Variants in CEP43 observed in about 807,000 individuals in gnomAD.
The protein encoded by CEP43 is FGFR1 oncogene partner.
CEP43 carries 36 observed loss-of-function variants against 52.6 expected under a neutral mutation model. The observed-to-expected ratio is 0.68, with a 90% confidence interval of 0.52 to 0.90. The LOEUF is 0.90. Among genes scored for constraint, CEP43 ranks in the 40% least tolerant of loss-of-function variants. The pLI is 0.00. For synonymous variants in CEP43, 192 were observed against 172.4 expected (o/e 1.11, Z -0.89); for missense variants, 506 against 472.8 (o/e 1.07, Z -0.65).
rs1217440067 is a variant in CEP43 at position 167,042,883 on chromosome 6, T to A, written c.*2905T>A. On this transcript the variant is annotated 3_prime_UTR_variant, in exon 13 of 13. Coordinates refer to ENST00000366847, the MANE Select transcript of CEP43 (RefSeq NM_007045.4). ...GAACAGGGATTTTCTTTTAAACTGC[T>A]GTGTACCTGGCACAACATTTGTCCC... 1.4e-5 allele frequency: 2 copies of A among 144,522 alleles called. No individual in the cohort carries two copies. The highest frequency in any genetic ancestry group is 3.0e-5 in the Non-Finnish European group (2 of 65,752). 9.0% of individuals were successfully genotyped at this position (144,522 alleles called of 1,614,324 possible).
At chr6:167,039,679 G>A (rs1048468266) in intron 12 of CEP43, among the ~76,000 whole-genome samples, 4 of 152,164 alleles carry the variant, frequency 2.6e-5, no homozygotes, top group Admixed American at 6.5e-5. Context: ...GAATCTCCAC[G>A]CTGTTTTCCA....
rs1490631817 is a variant in CEP43 at position 167,049,452 on chromosome 6, G to A, written c.*9474G>A. On this transcript the variant is annotated 3_prime_UTR_variant, in exon 13 of 13. Transcript: ENST00000366847. The stretch of plus-strand genomic sequence containing the variant: ...CCTCTTCTGGACATTACATATAAAC[G>A]GAATTATACACTATGTGGCCTTTTA... 1 of 152,144 alleles carries A rather than the reference G, an allele frequency of 6.6e-6. No homozygotes were observed. The highest frequency in any genetic ancestry group is 1.5e-5 in the Non-Finnish European group (1 of 68,026). 9.4% of individuals were successfully genotyped at this position (152,144 alleles called of 1,614,324 possible).
At position 167,049,051 on chromosome 6, in the gene CEP43, G is replaced by A. The variant is rs560951818; in HGVS notation, c.*9073G>A. Reference sequence around the variant, plus strand: ...GTTGAAAGATATTTTTAAAATCATTGTCCTATGGAAAAGTCATATAGAACG... The same window carrying A: ...GTTGAAAGATATTTTTAAAATCATTATCCTATGGAAAAGTCATATAGAACG... On this transcript the variant is annotated 3_prime_UTR_variant, in exon 13 of 13. Coordinates refer to ENST00000366847, the MANE Select transcript of CEP43 (RefSeq NM_007045.4). 1 of 152,288 alleles carries A rather than the reference G, an allele frequency of 6.6e-6. No individual in the cohort carries two copies. Among genetic ancestry groups the A allele is most frequent in the African/African-American group, 2.4e-5 (1 of 41,572 alleles). 9.4% of individuals were successfully genotyped at this position (152,288 alleles called of 1,614,324 possible).
chr6:167,004,246 T>C lies in CEP43; in HGVS notation c.301-18T>C. On this transcript the variant is annotated intron_variant, in intron 4 of 12. Transcript: ENST00000366847. The stretch of plus-strand genomic sequence containing the variant: ...TCTGCTATTTTTTTGTGCACTTGTA[T>C]TTTAACTTCTTTTCTAGCTGCAAGG... 6.3e-7 allele frequency: 1 copy of C among 1,588,410 alleles called. No homozygotes were observed. Among genetic ancestry groups the C allele is most frequent in the Non-Finnish European group, 8.5e-7 (1 of 1,171,056 alleles).
chr6:167,026,403 TCA>T, intron 9 of CEP43, 142 bp from the exon 10 acceptor site: 1 of 642,684 alleles, frequency 1.6e-6, no homozygotes, highest in Non-Finnish European at 2.8e-6. Flanking sequence ...CGTTCATTAA[TCA>T]CAGTTTATTT....
intron 11 of CEP43, 72 bp downstream of exon 11, chr6:167,032,714 C>T: frequency 7.5e-7 from 1 of 1,324,834 alleles, no homozygotes; most frequent in Non-Finnish European, 1.0e-6. Flanking sequence ...ACAGACAAGA[C>T]AAAATTACAT....
At chr6:167,030,514 C>T (rs1048700897) in intron 10 of CEP43, among the ~76,000 whole-genome samples, 1 of 152,206 alleles carries the variant, frequency 6.6e-6, no homozygotes, top group South Asian at 2.1e-4. Context: ...AGAGGAAGCT[C>T]CTGACATGTC....
At position 167,044,590 on chromosome 6, in the gene CEP43, C is replaced by A. The variant is rs73035058; in HGVS notation, c.*4612C>A. The A allele has an allele frequency of 0.016, 15,250 of 968,628 alleles. 176 individuals are homozygous for A. Among genetic ancestry groups the A allele is most frequent in the East Asian group, 0.088 (770 of 8,720 alleles). 60.0% of individuals were successfully genotyped at this position (968,628 alleles called of 1,614,324 possible). A position where few individuals can be genotyped will look rare whatever the true frequency, so the allele number is the denominator to read the frequency against. On this transcript the variant is annotated 3_prime_UTR_variant, in exon 13 of 13. Coordinates refer to ENST00000366847, the MANE Select transcript of CEP43 (RefSeq NM_007045.4). ...AAGGCCTCTGAGGTAGGAGGGACAG[C>A]GTTTTTGAATGTGAAATTTATTCCC...
chr6:167,042,050 C>A lies in CEP43; in HGVS notation c.*2072C>A. On this transcript the variant is annotated 3_prime_UTR_variant, in exon 13 of 13. Transcript: ENST00000366847. ...TGTTGGTCAGGCTGGTCTTGAACTC[C>A]TGACCTCGTTCCTGCCTTAGCCTCC... is the stretch of plus-strand genomic sequence containing the variant. 1 of 746,650 alleles carries A rather than the reference C, an allele frequency of 1.3e-6. No individual in the cohort carries two copies. The highest frequency in any genetic ancestry group is 1.6e-6 in the Non-Finnish European group (1 of 606,228). 46.3% of individuals were successfully genotyped at this position (746,650 alleles called of 1,614,324 possible). A position where few individuals can be genotyped will look rare whatever the true frequency, so the allele number is the denominator to read the frequency against.
chr6:167,033,867 GA>G lies in CEP43; in HGVS notation c.1029-5del. On this transcript the variant is annotated splice_polypyrimidine_tract_variant and splice_region_variant and intron_variant, in intron 11 of 12. Coordinates refer to ENST00000366847, the MANE Select transcript of CEP43 (RefSeq NM_007045.4). ...AGTTCTTATTTTTTTTTCCCCTTCTGAAATTAGTACCAGCCATCGCTCAGAG... is the reference window on the plus strand; with the variant it reads ...AGTTCTTATTTTTTTTTCCCCTTCTGAATTAGTACCAGCCATCGCTCAGAG... 1 of 1,470,600 alleles carries G rather than the reference GA, an allele frequency of 6.8e-7. No homozygotes were observed. The highest frequency in any genetic ancestry group is 9.3e-7 in the Non-Finnish European group (1 of 1,074,716). The allele number at this position is 1,470,600 out of a possible 1,614,324, so 91.1% of individuals were successfully genotyped here.
intron 12 of CEP43, among the ~76,000 whole-genome samples, chr6:167,035,740 G>T (rs770127796): frequency 2.0e-5 from 3 of 151,760 alleles, no homozygotes; most frequent in Non-Finnish European, 2.9e-5. Flanking sequence ...CTGATTTTTT[G>T]TATTTTTTTA....
chr6:167,040,935 C>T lies in CEP43; in HGVS notation c.*957C>T. ...GAGCCAATAATAGAATTTCCACAGTCTCATTTATACGGTTAAAGCATTATT... is the reference window on the plus strand; with the variant it reads ...GAGCCAATAATAGAATTTCCACAGTTTCATTTATACGGTTAAAGCATTATT... On this transcript the variant is annotated 3_prime_UTR_variant, in exon 13 of 13. Transcript: ENST00000366847. The T allele has an allele frequency of 9.8e-7, 1 of 1,024,580 alleles. No homozygotes were observed. The highest frequency in any genetic ancestry group is 1.2e-6 in the Non-Finnish European group (1 of 852,404). The allele number at this position is 1,024,580 out of a possible 1,614,324, so 63.5% of individuals were successfully genotyped here.
In CEP43 at chr6:167,006,061, T is replaced by C. The variant is rs540053369; in HGVS notation, c.438+1660T>C. On this transcript the variant is annotated intron_variant, in intron 5 of 12. Coordinates refer to ENST00000366847, the MANE Select transcript of CEP43 (RefSeq NM_007045.4). ...GTCACTCAGCCTCCGTGTGCCCAGG[T>C]TCCTTATCTGCAACATGGAGATCAC... Among the ~76,000 whole-genome samples, 35 of 152,284 alleles carry C rather than the reference T, an allele frequency of 2.3e-4. 1 individual carries two copies. In the South Asian group the frequency reaches 4.6e-3, roughly 20 times the overall value.
intron 3 of CEP43, chr6:167,003,473 C>A: frequency 2.0e-6 from 1 of 509,170 alleles, no homozygotes; most frequent in Non-Finnish European, 3.4e-6. Flanking sequence ...CAATATTAAC[C>A]ATTAAAAAGC....
rs71032897 is a variant in CEP43, at chr6:167,035,626, G to GCGCTAT, written c.1125+1657_1125+1662dup. Among the ~76,000 whole-genome samples the GCGCTAT allele has an allele frequency of 5.9e-5, 9 of 151,890 alleles. No homozygotes were observed. The South Asian group carries it at 1.0e-3, about 18-fold the overall frequency. ...CTGTTGCCCAGGCTGGAGTGCAGTG[G>GCGCTAT]CGCTATCTCAGCTCACTGCAAGCTC... On this transcript the variant is annotated intron_variant, in intron 12 of 12. Transcript: ENST00000366847.
chr6:166,999,423 C>G lies in CEP43; in HGVS notation c.11C>G (p.Thr4Arg). The G allele has an allele frequency of 6.8e-7, 1 of 1,473,780 alleles. No individual in the cohort carries two copies. The highest frequency in any genetic ancestry group is 3.0e-5 in the East Asian group (1 of 33,660). The allele number at this position is 1,473,780 out of a possible 1,614,324, so 91.3% of individuals were successfully genotyped here. A position where few individuals can be genotyped will look rare whatever the true frequency, so the allele number is the denominator to read the frequency against. The part of the protein sequence containing the change: MAA[T>R]AAAVVAEEDT... ...TCTTGGAGAAGCAAGATGGCGGCGA[C>G]GGCGGCCGCAGTGGTGGCCGAGGAG... The change falls in exon 1 of 13, where the codon ACG becomes AGG. Residue 4 changes from threonine to arginine, a missense_variant. By Grantham distance (71) the Thr-to-Arg change is moderately conservative. Transcript: ENST00000366847.
At chr6:167,022,943 CAG>C (rs1341778428) in intron 8 of CEP43, among the ~76,000 whole-genome samples, 1 of 152,080 alleles carries the variant, frequency 6.6e-6, no homozygotes, top group Non-Finnish European at 1.5e-5. Context: ...GCTCTGGTGA[CAG>C]AGTCAGGCAA....
intron 10 of CEP43, among the ~76,000 whole-genome samples, chr6:167,030,035 A>T (rs550733773): frequency 3.3e-5 from 5 of 152,242 alleles, no homozygotes; most frequent in Non-Finnish European, 7.3e-5. Context: ...GTGGAATGTC[A>T]TCAGTTAAGG....
At chr6:167,004,176 G>C (rs1016753202) in intron 4 of CEP43, 88 bp from the exon 5 acceptor site, 1 of 1,331,148 alleles carries the variant, frequency 7.5e-7, no homozygotes, top group Non-Finnish European at 1.0e-6. Context: ...GTTTAAAGAT[G>C]TCTTTAAACT....
Sources: allele counts gnomAD v4.1 joint callset (sites outside exome capture counted in the v4.1 genomes callset), GRCh38; gene constraint gnomAD v4.1.1; transcripts MANE v1.5; gene names NCBI Gene and HGNC (gene_info 2026-07-23, HGNC 2026-07-21).